Variants in PLCL1 observed in about 807,000 individuals in gnomAD.
The protein encoded by PLCL1 is phospholipase C like 1 (inactive), also known as inactive phospholipase C-like protein 1.
Under a neutral mutation model 84.4 loss-of-function variants are expected in PLCL1, and 41 were observed. The observed-to-expected ratio is 0.49, with a 90% CI of 0.38 to 0.63. The LOEUF (loss-of-function observed/expected upper bound fraction) is 0.63, where lower values mean the gene tolerates loss of function less well. Among genes scored for constraint, PLCL1 ranks in the 30% least tolerant of loss-of-function variants. The pLI, the probability that PLCL1 is intolerant of heterozygous loss-of-function variation, is 0.00. For missense variants in PLCL1, 1,206 were observed against 1,367.8 expected, an observed-to-expected ratio of 0.88 and a Z score of 1.87; for synonymous variants, 490 against 488.3, an observed-to-expected ratio of 1.00 and a Z score of -0.05.
In PLCL1 at chr2:198,105,552, G is replaced by A. The variant is rs532097442; in HGVS notation, c.3105+1616G>A. On this transcript the variant is annotated intron_variant, in intron 5 of 5. Coordinates refer to ENST00000428675, the MANE Select transcript of PLCL1 (RefSeq NM_006226.4). ...GGTTTTTGCCTTAATAAGGCAATGA[G>A]GTTTTCGGTGCAGGCAGGGTACAGC... is the stretch of plus-strand genomic sequence containing the variant. 2.6e-5 allele frequency among the ~76,000 whole-genome samples: 4 copies of A among 151,658 alleles called. No individual in the cohort carries two copies. In the South Asian group the frequency reaches 8.3e-4, roughly 32 times the overall value.
intron 1 of PLCL1, among the ~76,000 whole-genome samples, chr2:198,067,487 ATAAT>A (rs1444648094): frequency 1.2e-4 from 18 of 152,158 alleles, no homozygotes; most frequent in African/African-American, 4.3e-4. Flanking sequence ...TTGGGAAGAG[ATAAT>A]TAGTGTAAGT....
Position 198,104,217 on chromosome 2 carries a change from G to C in PLCL1, c.3105+281G>C, listed in dbSNP as rs189082035. The stretch of plus-strand genomic sequence containing the variant: ...ACCCTCCATCCTCATGTAGTCCCTG[G>C]TGTCTGCTGTTCCTCTCTTTGTGTC... On this transcript the variant is annotated intron_variant, in intron 5 of 5. Coordinates refer to ENST00000428675, the MANE Select transcript of PLCL1 (RefSeq NM_006226.4). Among the ~76,000 whole-genome samples, 15 of 151,860 alleles carry C rather than the reference G, an allele frequency of 9.9e-5. 1 individual carries two copies. Among genetic ancestry groups the C allele is most frequent in the Admixed American group, 2.0e-4 (3 of 15,226 alleles).
intron 1 of PLCL1, among the ~76,000 whole-genome samples, chr2:197,838,511 G>A (rs1319537578): frequency 2.6e-5 from 4 of 152,126 alleles, no homozygotes; most frequent in Non-Finnish European, 4.4e-5. Context: ...AACTTGAAAA[G>A]TACTGGATCA....
intron 1 of PLCL1, among the ~76,000 whole-genome samples, chr2:197,916,981 C>A (rs1320888100): frequency 6.6e-6 from 1 of 152,002 alleles, no homozygotes; most frequent in Admixed American, 6.5e-5. Context: ...ATTAGAATGG[C>A]AAAAATCCAA....
chr2:197,915,421 A>G (rs1669855790), intron 1 of PLCL1, among the ~76,000 whole-genome samples: 1 of 152,046 alleles, frequency 6.6e-6, no homozygotes, highest in Non-Finnish European at 1.5e-5. Flanking sequence ...CAAGTGTGAA[A>G]GAGAGGAAGA....
chr2:198,049,047 G>A (rs1223443040), intron 1 of PLCL1, among the ~76,000 whole-genome samples: 1 of 152,182 alleles, frequency 6.6e-6, no homozygotes, highest in African/African-American at 2.4e-5. Context: ...GGGAACTAAG[G>A]TACCACTTGG....
intron 1 of PLCL1, among the ~76,000 whole-genome samples, chr2:198,054,517 A>G (rs1002557546): frequency 1.3e-5 from 2 of 152,216 alleles, no homozygotes; most frequent in Admixed American, 6.5e-5. Flanking sequence ...CCTGGAACAC[A>G]TCTAACACCA....
intron 1 of PLCL1, among the ~76,000 whole-genome samples, chr2:197,809,439 G>A (rs1690540086): frequency 6.6e-6 from 1 of 152,152 alleles, no homozygotes; most frequent in South Asian, 2.1e-4. Flanking sequence ...ACGCATCTTA[G>A]GTCCTATGGT....
At chr2:198,136,998 A>G (rs1694270454) in intron 5 of PLCL1, among the ~76,000 whole-genome samples, 1 of 152,196 alleles carries the variant, frequency 6.6e-6, no homozygotes, top group African/African-American at 2.4e-5. Flanking sequence ...GATAGTATTT[A>G]TGTCTGGGAC....
chr2:197,982,377 G>A (rs1452482113), intron 1 of PLCL1, among the ~76,000 whole-genome samples: 3 of 152,090 alleles, frequency 2.0e-5, no homozygotes, highest in African/African-American at 7.2e-5. Flanking sequence ...TAATCTCAGA[G>A]GGCTAGTTAG....
At chr2:197,880,073 A>G (rs1687802791) in intron 1 of PLCL1, among the ~76,000 whole-genome samples, 1 of 152,190 alleles carries the variant, frequency 6.6e-6, no homozygotes, top group African/African-American at 2.4e-5. Flanking sequence ...GGGAATGGAT[A>G]AATGTTTTAT....
chr2:198,128,080 T>G (rs1276584246), intron 5 of PLCL1, among the ~76,000 whole-genome samples: 1 of 152,198 alleles, frequency 6.6e-6, no homozygotes, highest in Non-Finnish European at 1.5e-5. Flanking sequence ...AGTCATTCCA[T>G]TTTGTATTTT....
chr2:197,812,785 G>A (rs957826397), intron 1 of PLCL1, among the ~76,000 whole-genome samples: 10 of 152,154 alleles, frequency 6.6e-5, no homozygotes, highest in African/African-American at 2.4e-4. Flanking sequence ...GACATTCTCT[G>A]ATGTGAGGGA....
At chr2:197,991,711 A>G (rs989335333) in intron 1 of PLCL1, among the ~76,000 whole-genome samples, 1 of 152,144 alleles carries the variant, frequency 6.6e-6, no homozygotes, top group African/African-American at 2.4e-5. Context: ...CCAGTGCAGG[A>G]CTGCTGCAGA....
intron 1 of PLCL1, among the ~76,000 whole-genome samples, chr2:197,808,226 C>T (rs1368755460): frequency 1.3e-5 from 2 of 152,024 alleles, no homozygotes; most frequent in Admixed American, 1.3e-4. Context: ...TTTTGGTAAG[C>T]GCATTGTTAT....
chr2:198,097,981 GA>G (rs1166209831), intron 3 of PLCL1, among the ~76,000 whole-genome samples: 3 of 152,146 alleles, frequency 2.0e-5, no homozygotes, highest in African/African-American at 4.8e-5. Context: ...ACTTGAGAAT[GA>G]AAGGAAATAA....
At chr2:198,031,658 GC>G (rs1483098835) in intron 1 of PLCL1, among the ~76,000 whole-genome samples, 6 of 96,784 alleles carry the variant, frequency 6.2e-5, no homozygotes, top group African/African-American at 1.4e-4. Context: ...AATGGCCAGT[GC>G]TTTTTTTTTT....
chr2:197,956,576 G>A (rs1689498849), intron 1 of PLCL1, among the ~76,000 whole-genome samples: 1 of 152,144 alleles, frequency 6.6e-6, no homozygotes, highest in African/African-American at 2.4e-5. Context: ...AGCCTTGCCA[G>A]CATCTGCTGT....
intron 1 of PLCL1, among the ~76,000 whole-genome samples, chr2:197,880,659 GAAC>G (rs1574928673): frequency 6.6e-6 from 1 of 152,164 alleles, no homozygotes. Flanking sequence ...AGTCTAGAAT[GAAC>G]AACATTATGT....
Sources: allele counts gnomAD v4.1 joint callset (sites outside exome capture counted in the v4.1 genomes callset), GRCh38; gene constraint gnomAD v4.1.1; transcripts MANE v1.5; gene names NCBI Gene and HGNC (gene_info 2026-07-23, HGNC 2026-07-21).